Variants in DPP10 observed in about 807,000 individuals in gnomAD.
DPP10 encodes inactive dipeptidyl peptidase 10.
Under a neutral mutation model 120.9 loss-of-function variants are expected in DPP10, and 33 were observed. The observed-to-expected ratio is 0.27, with a 90% confidence interval of 0.21 to 0.37. DPP10 has a LOEUF of 0.37. Ranked by LOEUF, DPP10 falls within the 10% of genes least tolerant of loss-of-function variation. The pLI is 1.00. For synonymous variants in DPP10, 337 were observed against 326.1 expected (o/e 1.03, Z -0.36); for missense variants, 816 against 942.8 (o/e 0.87, Z 1.76).
chr2:114,756,297 G>A (rs1393131992), intron 1 of DPP10, among the ~76,000 whole-genome samples: 2 of 152,168 alleles, frequency 1.3e-5, no homozygotes, highest in Non-Finnish European at 2.9e-5. Context: ...GCAAAGGAGG[G>A]TGTCTAGCTT....
chr2:115,022,141 A>G (rs1429945097), intron 1 of DPP10, among the ~76,000 whole-genome samples: 5 of 152,144 alleles, frequency 3.3e-5, no homozygotes, highest in Admixed American at 1.3e-4. Flanking sequence ...TCTATTCAAC[A>G]TAGTACTGGC....
intron 5 of DPP10, among the ~76,000 whole-genome samples, chr2:115,548,321 A>G (rs946471956): frequency 6.6e-6 from 1 of 152,170 alleles, no homozygotes; most frequent in Non-Finnish European, 1.5e-5. Context: ...ACAAAGACTG[A>G]AAGAAAAGTT....
At chr2:114,575,111 C>T (rs139826559) in intron 1 of DPP10, among the ~76,000 whole-genome samples, 9 of 152,152 alleles carry the variant, frequency 5.9e-5, no homozygotes, top group Admixed American at 2.6e-4. Flanking sequence ...AGATGGGAAG[C>T]AATGGGACAT....
intron 1 of DPP10, among the ~76,000 whole-genome samples, chr2:115,191,162 C>G (rs1338133271): frequency 6.6e-6 from 1 of 152,088 alleles, no homozygotes; most frequent in Non-Finnish European, 1.5e-5. Context: ...TATCTGACCA[C>G]GGGGAGGGCT....
chr2:114,707,166 C>A (rs1433258015), intron 1 of DPP10: 1 of 152,040 alleles, frequency 6.6e-6, no homozygotes, highest in African/African-American at 2.4e-5. Flanking sequence ...TGACTATTTT[C>A]TAGTTTATGT....
chr2:114,575,817 T>C (rs1411704975), intron 1 of DPP10, among the ~76,000 whole-genome samples: 3 of 152,106 alleles, frequency 2.0e-5, no homozygotes, highest in Admixed American at 1.3e-4. Flanking sequence ...CTCATTGGGT[T>C]CAGGGAAAGG....
At chr2:114,474,554 A>G (rs533908557) in intron 1 of DPP10, among the ~76,000 whole-genome samples, 1 of 152,270 alleles carries the variant, frequency 6.6e-6, no homozygotes, top group South Asian at 2.1e-4. Flanking sequence ...GCAACACAGG[A>G]AGAATTCTTA....
rs1376663485 is a variant in DPP10 at position 115,030,708 on chromosome 2, G to C, written c.61-278531G>C. On this transcript the variant is annotated intron_variant, in intron 1 of 25. Transcript: ENST00000410059. The stretch of plus-strand genomic sequence containing the variant: ...TGTGTCCATGTGTTCTCATCATTCA[G>C]TTCCCACTTATAAGTGAGAACATGC... 2.0e-5 allele frequency among the ~76,000 whole-genome samples: 3 copies of C among 152,084 alleles called. No homozygotes were observed. In the East Asian group the frequency reaches 5.8e-4, roughly 29 times the overall value.
chr2:115,653,501 C>A (rs182867798), intron 5 of DPP10, among the ~76,000 whole-genome samples: 1 of 151,956 alleles, frequency 6.6e-6, no homozygotes, highest in Non-Finnish European at 1.5e-5. Flanking sequence ...TTCCTTTGTA[C>A]TTTATTTAAT....
chr2:115,471,288 T>G (rs1240224733), intron 3 of DPP10, among the ~76,000 whole-genome samples: 1 of 152,204 alleles, frequency 6.6e-6, no homozygotes, highest in Non-Finnish European at 1.5e-5. Flanking sequence ...TATGCTTTTC[T>G]CTTCAGACAG....
At chr2:115,830,714 G>A (rs79479401) in intron 21 of DPP10, among the ~76,000 whole-genome samples, 1,961 of 152,242 alleles carry the variant, frequency 0.013, 44 homozygotes, top group African/African-American at 0.042. Context: ...GGATTAGAGT[G>A]AATGTGGCCA....
At chr2:115,617,036 T>A (rs2084556990) in intron 5 of DPP10, among the ~76,000 whole-genome samples, 1 of 144,982 alleles carries the variant, frequency 6.9e-6, no homozygotes, top group Non-Finnish European at 1.5e-5. Flanking sequence ...CCATGTTAAA[T>A]TTCATTATTC....
chr2:115,204,905 G>T (rs1451147245), intron 1 of DPP10, among the ~76,000 whole-genome samples: 1 of 152,090 alleles, frequency 6.6e-6, no homozygotes, highest in Non-Finnish European at 1.5e-5. Flanking sequence ...GTTGAGAAAT[G>T]TCTGTTCATG....
intron 4 of DPP10, among the ~76,000 whole-genome samples, chr2:115,507,212 C>G (rs1028671925): frequency 5.3e-5 from 8 of 152,128 alleles, no homozygotes; most frequent in African/African-American, 1.7e-4. Context: ...ACTTCTCCAT[C>G]TTTATGATGT....
intron 3 of DPP10, among the ~76,000 whole-genome samples, chr2:115,488,880 T>TAAAA (rs35020299): frequency 1.7e-3 from 209 of 126,464 alleles, no homozygotes; most frequent in Non-Finnish European, 2.4e-3. Flanking sequence ...TAGAGTATAA[T>TAAAA]AAAAAAAAAA....
intron 1 of DPP10, among the ~76,000 whole-genome samples, chr2:115,303,216 A>T (rs1355355106): frequency 2.0e-5 from 3 of 151,984 alleles, no homozygotes; most frequent in East Asian, 1.9e-4. Flanking sequence ...AAAATTTAGA[A>T]TTTTTTTCTG....
chr2:115,275,262 G>A (rs973462477), intron 1 of DPP10, among the ~76,000 whole-genome samples: 3 of 152,146 alleles, frequency 2.0e-5, no homozygotes, highest in Admixed American at 1.3e-4. Flanking sequence ...TCTATATTGA[G>A]TTCCCTGATT....
intron 5 of DPP10, among the ~76,000 whole-genome samples, chr2:115,659,761 G>A (rs2088747551): frequency 6.6e-6 from 1 of 152,100 alleles, no homozygotes; most frequent in African/African-American, 2.4e-5. Context: ...AGTTTAGTCA[G>A]TAACTATTAC....
chr2:115,398,643 C>A (rs1203172846), intron 3 of DPP10, among the ~76,000 whole-genome samples: 1 of 151,996 alleles, frequency 6.6e-6, no homozygotes, highest in African/African-American at 2.4e-5. Context: ...TGTCCTAGAA[C>A]ATATTATCTA....
Sources: allele counts gnomAD v4.1 joint callset (sites outside exome capture counted in the v4.1 genomes callset), GRCh38; gene constraint gnomAD v4.1.1; transcripts MANE v1.5; gene names NCBI Gene and HGNC (gene_info 2026-07-23, HGNC 2026-07-21).